The following AFF3 variants were observed in gnomAD, a reference collection of about 807,000 sequenced individuals.
AFF3 encodes the protein AF4/FMR2 family member 3.
A neutral mutation model predicts 129.7 loss-of-function variants in AFF3; 32 were observed. That is an observed-to-expected ratio of 0.25 (90% CI 0.19 to 0.33). AFF3 has a LOEUF of 0.33. AFF3 is among the 10% of genes least tolerant of loss of function. The pLI, the probability that AFF3 is intolerant of heterozygous loss-of-function variation, is 1.00. For missense variants in AFF3, 1,373 were observed against 1,592.0 expected (o/e 0.86, Z 2.34); for synonymous variants, 644 against 635.4 (o/e 1.01, Z -0.20).
intron 1 of AFF3, among the ~76,000 whole-genome samples, chr2:100,133,920 G>A (rs866554889): frequency 6.6e-6 from 1 of 151,954 alleles, no homozygotes; most frequent in South Asian, 2.1e-4. Context: ...GTGACAGAGC[G>A]AGACTCTGTC....
At chr2:100,034,591 T>C (rs141372851) in intron 4 of AFF3, among the ~76,000 whole-genome samples, 116 of 152,256 alleles carry the variant, frequency 7.6e-4, no homozygotes, top group South Asian at 1.5e-3. Context: ...TGCTGGCACA[T>C]TTATATCAGA....
intron 4 of AFF3, among the ~76,000 whole-genome samples, chr2:100,079,691 G>T (rs1255791730): frequency 1.3e-5 from 2 of 152,140 alleles, no homozygotes; most frequent in African/African-American, 4.8e-5. Context: ...ATAACCACTT[G>T]CAGACATAAT....
At chr2:99,949,693 T>C (rs1427265269) in intron 7 of AFF3, among the ~76,000 whole-genome samples, 1 of 152,186 alleles carries the variant, frequency 6.6e-6, no homozygotes, top group Non-Finnish European at 1.5e-5. Flanking sequence ...CTAATACTGC[T>C]GCTAATGTGA....
intron 15 of AFF3, among the ~76,000 whole-genome samples, chr2:99,590,086 G>C (rs898520474): frequency 6.6e-6 from 1 of 152,184 alleles, no homozygotes; most frequent in Non-Finnish European, 1.5e-5. Flanking sequence ...TGTGGTGCCC[G>C]AGTTGTCAGG....
intron 4 of AFF3, among the ~76,000 whole-genome samples, chr2:100,048,384 T>A (rs568889643): frequency 6.6e-6 from 1 of 152,356 alleles, no homozygotes; most frequent in South Asian, 2.1e-4. Flanking sequence ...AGGTTTATAG[T>A]GGAGCAGCTC....
At chr2:99,828,836 T>C (rs1688304676) in intron 8 of AFF3, among the ~76,000 whole-genome samples, 2 of 152,104 alleles carry the variant, frequency 1.3e-5, no homozygotes, top group Admixed American at 1.3e-4. Flanking sequence ...GCACAAGAAT[T>C]ACACACACAC....
intron 7 of AFF3, among the ~76,000 whole-genome samples, chr2:99,916,816 A>C (rs886490720): frequency 6.6e-6 from 1 of 151,988 alleles, no homozygotes; most frequent in Non-Finnish European, 1.5e-5. Context: ...CTCAAACTTC[A>C]CAACAGGGGA....
intron 4 of AFF3, among the ~76,000 whole-genome samples, chr2:100,084,912 T>C (rs7565905): frequency 0.025 from 3,710 of 147,086 alleles, 148 homozygotes; most frequent in African/African-American, 0.086. Context: ...TCAAAAAGAA[T>C]AGCTTATAGA....
chr2:99,557,428 T>C (rs116405917), intron 22 of AFF3, among the ~76,000 whole-genome samples: 5,399 of 152,188 alleles, frequency 0.035, 330 homozygotes, highest in African/African-American at 0.12. Flanking sequence ...TACAGATGCC[T>C]GCCACCACGC....
At chr2:99,778,935 GGGGTTGGCTCTTTA>G (rs1684176676) in intron 8 of AFF3, among the ~76,000 whole-genome samples, 1 of 149,748 alleles carries the variant, frequency 6.7e-6, no homozygotes. Flanking sequence ...TGTGTGTGGC[GGGGTTGGCTCTTTA>G]GGGTTTTCTA....
intron 12 of AFF3, among the ~76,000 whole-genome samples, chr2:99,660,477 G>A (rs1305195375): frequency 6.6e-6 from 1 of 152,206 alleles, no homozygotes; most frequent in East Asian, 1.9e-4. Context: ...ACAAGAGAAA[G>A]CTGAACCAGT....
At chr2:99,922,352 G>A (rs533045017) in intron 7 of AFF3, among the ~76,000 whole-genome samples, 9 of 152,244 alleles carry the variant, frequency 5.9e-5, no homozygotes, top group South Asian at 2.1e-4. Flanking sequence ...AGCCAACTGC[G>A]CTTTATTTAT....
intron 8 of AFF3, among the ~76,000 whole-genome samples, chr2:99,761,559 T>G (rs948467490): frequency 3.9e-5 from 6 of 152,112 alleles, no homozygotes; most frequent in African/African-American, 1.4e-4. Flanking sequence ...CATCCCCACC[T>G]CACGTAGCAG....
At chr2:99,599,994 T>G (rs948161005) in intron 14 of AFF3, among the ~76,000 whole-genome samples, 2 of 152,232 alleles carry the variant, frequency 1.3e-5, no homozygotes, top group Non-Finnish European at 2.9e-5. Flanking sequence ...GAATGAATTC[T>G]GAATGAGTAA....
chr2:99,558,920 C>G lies in AFF3; in HGVS notation c.3240G>C (p.Arg1080Ser). Residue 1080 changes from arginine to serine, a missense_variant, in exon 22 of 25, where the codon AGG (arginine) becomes AGC (serine). This residue lies in a region of AFF3 where 165 missense variants were observed against 234.0 expected (regional missense o/e 0.71). Coordinates refer to ENST00000672756, the MANE Select transcript of AFF3 (RefSeq NM_001386135.1). ...LLYWRMFRLK[R>S]DHAVKYSKAL... is the part of the protein sequence containing the mutation. The stretch of plus-strand genomic sequence containing the variant: ...CTTTTGAATACTTTACAGCGTGGTC[C>G]CTTTTGAGTCGAAACATCCGCCAGT... 1 of 1,614,126 alleles carries G rather than the reference C, an allele frequency of 6.2e-7. No homozygotes were observed.
chr2:99,704,991 G>C (rs1373847193), intron 11 of AFF3, among the ~76,000 whole-genome samples: 2 of 152,190 alleles, frequency 1.3e-5, no homozygotes, highest in Non-Finnish European at 2.9e-5. Flanking sequence ...ATGAGAAGAA[G>C]GTAGAGGAAA....
At chr2:100,010,253 T>C (rs940605873) in intron 4 of AFF3, among the ~76,000 whole-genome samples, 2 of 152,220 alleles carry the variant, frequency 1.3e-5, no homozygotes, top group Non-Finnish European at 2.9e-5. Context: ...AAGGAACTTA[T>C]AAAAATTGTG....
intron 8 of AFF3, among the ~76,000 whole-genome samples, chr2:99,754,832 T>C (rs1015236619): frequency 2.6e-5 from 4 of 152,202 alleles, no homozygotes; most frequent in Admixed American, 2.6e-4. Flanking sequence ...CCCCTGAACA[T>C]TTCCTGAAAA....
intron 7 of AFF3, among the ~76,000 whole-genome samples, chr2:99,946,719 T>C (rs1156984465): frequency 6.6e-6 from 1 of 152,192 alleles, no homozygotes; most frequent in Non-Finnish European, 1.5e-5. Flanking sequence ...CGTTTTTTAC[T>C]ACACATATAA....
Sources: gnomAD v4.1 joint callset for allele counts (sites outside exome capture counted in the v4.1 genomes callset) on GRCh38, gnomAD v4.1.1 for gene constraint, gnomAD v4.1.1 regional missense constraint, MANE v1.5 for transcripts, NCBI Gene and HGNC (gene_info 2026-07-23, HGNC 2026-07-21) for gene names.